The following PLXDC2 variants were observed in gnomAD, a reference collection of about 807,000 sequenced individuals.
PLXDC2 encodes plexin domain containing 2.
PLXDC2 carries 40 observed loss-of-function variants against 68.9 expected under a neutral mutation model. The observed-to-expected ratio is 0.58, with a 90% CI of 0.45 to 0.76. The LOEUF (loss-of-function observed/expected upper bound fraction) is 0.76. Among genes scored for constraint, PLXDC2 ranks in the 30% least tolerant of loss-of-function variants. The probability of loss-of-function intolerance (pLI) is 0.00; values close to 1 mark genes in which losing one functional copy is unlikely to be tolerated. For synonymous variants in PLXDC2, 243 were observed against 234.2 expected (o/e 1.04, Z -0.34); for missense variants, 644 against 661.9 (o/e 0.97, Z 0.30).
chr10:19,897,175 T>C (rs1838071787), intron 1 of PLXDC2, among the ~76,000 whole-genome samples: 1 of 152,116 alleles, frequency 6.6e-6, no homozygotes, highest in Admixed American at 6.6e-5. Flanking sequence ...CAGAATGATA[T>C]GAGTCTGTTT....
chr10:20,121,415 C>A (rs544762731), intron 4 of PLXDC2, among the ~76,000 whole-genome samples: 1 of 152,098 alleles, frequency 6.6e-6, no homozygotes, highest in Admixed American at 6.6e-5. Context: ...GGAGATTAAT[C>A]GGACACAATC....
At chr10:19,863,002 G>A (rs1466073420) in intron 1 of PLXDC2, among the ~76,000 whole-genome samples, 1 of 152,024 alleles carries the variant, frequency 6.6e-6, no homozygotes, top group African/African-American at 2.4e-5. Context: ...CCCTGTTCTG[G>A]TTTTCTTTTT....
At chr10:19,944,028 C>G (rs893916651) in intron 1 of PLXDC2, among the ~76,000 whole-genome samples, 2 of 152,070 alleles carry the variant, frequency 1.3e-5, no homozygotes, top group Admixed American at 1.3e-4. Context: ...TTTCCCGTAG[C>G]GATGATGCAG....
At chr10:19,996,115 A>G (rs1834839658) in intron 1 of PLXDC2, among the ~76,000 whole-genome samples, 1 of 152,086 alleles carries the variant, frequency 6.6e-6, no homozygotes, top group African/African-American at 2.4e-5. Context: ...GCAAGTGGAG[A>G]AAAGGTTGTA....
intron 9 of PLXDC2, among the ~76,000 whole-genome samples, chr10:20,211,360 T>C (rs1435841813): frequency 6.6e-6 from 1 of 152,142 alleles, no homozygotes; most frequent in Non-Finnish European, 1.5e-5. Context: ...GAAAATCCAC[T>C]TCATAGAAGA....
At chr10:20,176,833 G>A (rs971576470) in intron 7 of PLXDC2, among the ~76,000 whole-genome samples, 166 bp from the exon 8 acceptor site, 1 of 152,102 alleles carries the variant, frequency 6.6e-6, no homozygotes, top group Non-Finnish European at 1.5e-5. Context: ...CTGGTTACTT[G>A]ACATGTGATT....
chr10:20,044,508 C>G (rs896374664), intron 2 of PLXDC2, among the ~76,000 whole-genome samples: 2 of 151,794 alleles, frequency 1.3e-5, no homozygotes, highest in Non-Finnish European at 2.9e-5. Flanking sequence ...CGGGGTTTCA[C>G]CATTTTGGCT....
chr10:19,931,537 T>C (rs1319425889), intron 1 of PLXDC2, among the ~76,000 whole-genome samples: 1 of 152,228 alleles, frequency 6.6e-6, no homozygotes, highest in Non-Finnish European at 1.5e-5. Context: ...CAAATCTTTT[T>C]TGAAAGGGAA....
At chr10:20,130,602 C>T (rs2461926) in intron 4 of PLXDC2, among the ~76,000 whole-genome samples, 94,735 of 151,880 alleles carry the variant, frequency 0.62, 30,063 homozygotes, top group Middle Eastern at 0.7. Flanking sequence ...AGCTTTTTAT[C>T]ATTGAGTGTG....
chr10:20,223,453 C>T (rs1835244455), intron 12 of PLXDC2, among the ~76,000 whole-genome samples: 1 of 151,840 alleles, frequency 6.6e-6, no homozygotes, highest in African/African-American at 2.4e-5. Context: ...GCTGGGACTA[C>T]AGGTGTGTGC....
chr10:19,996,745 A>T (rs982623203), intron 1 of PLXDC2, among the ~76,000 whole-genome samples: 1 of 152,182 alleles, frequency 6.6e-6, no homozygotes, highest in Non-Finnish European at 1.5e-5. Context: ...ATGGACTTAC[A>T]GTTCCATGTG....
intron 10 of PLXDC2, among the ~76,000 whole-genome samples, chr10:20,214,447 G>A (rs1835109870): frequency 6.6e-6 from 1 of 152,100 alleles, no homozygotes; most frequent in South Asian, 2.1e-4. Flanking sequence ...TTTCTCCCCT[G>A]TCTACTACTG....
At chr10:20,152,317 A>C (rs1293594858) in intron 6 of PLXDC2, among the ~76,000 whole-genome samples, 1 of 152,152 alleles carries the variant, frequency 6.6e-6, no homozygotes, top group Non-Finnish European at 1.5e-5. Context: ...TTTCTTCACC[A>C]ATACCCTGTT....
chr10:20,065,795 C>G (rs534893877), intron 3 of PLXDC2, among the ~76,000 whole-genome samples: 2 of 152,304 alleles, frequency 1.3e-5, no homozygotes, highest in South Asian at 4.1e-4. Context: ...CAGTGCTGAT[C>G]TGACAGGAGG....
chr10:19,878,737 A>G (rs1431872046), intron 1 of PLXDC2, among the ~76,000 whole-genome samples: 1 of 152,206 alleles, frequency 6.6e-6, no homozygotes, highest in East Asian at 1.9e-4. Context: ...TTTATTGCCA[A>G]AATAAATCAT....
intron 12 of PLXDC2, among the ~76,000 whole-genome samples, chr10:20,232,292 C>T (rs2131879589): frequency 6.6e-6 from 1 of 152,170 alleles, no homozygotes; most frequent in South Asian, 2.1e-4. Context: ...GCAATCACTT[C>T]AGAAAACTCT....
chr10:20,014,825 A>G (rs1264946073), intron 2 of PLXDC2, among the ~76,000 whole-genome samples: 1 of 152,214 alleles, frequency 6.6e-6, no homozygotes, highest in Non-Finnish European at 1.5e-5. Flanking sequence ...GCACACAATC[A>G]CAAAAGAAAA....
At chr10:20,211,116 C>T (rs188183623) in intron 9 of PLXDC2, among the ~76,000 whole-genome samples, 1 of 152,206 alleles carries the variant, frequency 6.6e-6, no homozygotes, top group African/African-American at 2.4e-5. Flanking sequence ...GAGGTTACTT[C>T]TCAAGAGCAA....
chr10:20,130,023 AT>A (rs950152430), intron 4 of PLXDC2, among the ~76,000 whole-genome samples: 325 of 148,908 alleles, frequency 2.2e-3, no homozygotes, highest in African/African-American at 6.8e-3. Context: ...GAATTTCTTG[AT>A]TTTTTTTTTC....
Sources: gnomAD v4.1 joint callset for allele counts (sites outside exome capture counted in the v4.1 genomes callset) on GRCh38, gnomAD v4.1.1 for gene constraint, MANE v1.5 for transcripts, NCBI Gene and HGNC (gene_info 2026-07-23, HGNC 2026-07-21) for gene names.